Variants in PCDHGB3 observed in about 807,000 individuals in gnomAD.
The protein encoded by PCDHGB3 is protocadherin gamma-B3.
PCDHGB3 carries 40 observed loss-of-function variants against 59.2 expected under a neutral mutation model. The ratio of observed to expected loss-of-function variants is 0.68; its 90% CI spans 0.52 to 0.88. The LOEUF (loss-of-function observed/expected upper bound fraction) is 0.88, where lower values mean the gene tolerates loss of function less well. PCDHGB3 is among the 40% of genes least tolerant of loss of function. The probability of loss-of-function intolerance (pLI) is 0.00; values close to 1 mark genes in which losing one functional copy is unlikely to be tolerated. For synonymous variants in PCDHGB3, 581 were observed against 503.6 expected, an observed-to-expected ratio of 1.15 and a Z score of -2.06; for missense variants, 1,309 against 1,187.9, an observed-to-expected ratio of 1.10 and a Z score of -1.50.
chr5:141,419,515 G>T, intron 1 of PCDHGB3: 1 of 1,612,264 alleles, frequency 6.2e-7, no homozygotes, highest in Non-Finnish European at 8.5e-7. Flanking sequence ...GCGTGTTGGT[G>T]GGCGACCGTA....
At chr5:141,418,145 T>G in intron 1 of PCDHGB3, 4 of 1,614,052 alleles carry the variant, frequency 2.5e-6, no homozygotes, top group Non-Finnish European at 3.4e-6. Flanking sequence ...TGAGCAAATA[T>G]GCAAAGAGAG....
chr5:141,457,809 C>A (rs1404645915), intron 1 of PCDHGB3, among the ~76,000 whole-genome samples: 1 of 152,180 alleles, frequency 6.6e-6, no homozygotes, highest in Non-Finnish European at 1.5e-5. Flanking sequence ...CTCTTGAGGT[C>A]CCAAGATAAA....
chr5:141,427,994 C>T, intron 1 of PCDHGB3: 1 of 1,599,396 alleles, frequency 6.3e-7, no homozygotes, highest in Non-Finnish European at 8.6e-7. Flanking sequence ...CCGATGGCTC[C>T]GCACTCTTCG....
chr5:141,414,123 C>T (rs1328389134), intron 1 of PCDHGB3: 1 of 1,592,532 alleles, frequency 6.3e-7, no homozygotes. Flanking sequence ...ATGAAGAAAC[C>T]GGTTTCTATG....
chr5:141,456,888 G>A (rs376401806), intron 1 of PCDHGB3, among the ~76,000 whole-genome samples: 5 of 152,118 alleles, frequency 3.3e-5, no homozygotes, highest in Admixed American at 1.3e-4. Context: ...GCTTGAACCC[G>A]GGAGGCAGAG....
intron 1 of PCDHGB3, chr5:141,384,771 C>A (rs568102289): frequency 1.2e-6 from 2 of 1,613,878 alleles, no homozygotes; most frequent in Non-Finnish European, 1.7e-6. Flanking sequence ...TGTACACGGG[C>A]GAGGTGCGCA....
rs757065593 is a variant in PCDHGB3, at chr5:141,418,576, C to G, written c.2415+45767C>G. 1.5e-5 allele frequency: 25 copies of G among 1,614,012 alleles called. No homozygotes were observed. In the South Asian group the frequency reaches 2.7e-4, roughly 18 times the overall value. On this transcript the variant is annotated intron_variant, in intron 1 of 3. Transcript: ENST00000576222. ...TGGTAATAGATGCCAATGACAACCCCCCAGTGTTCAGCCAGGACGTGTACA... is the reference window on the plus strand; with the variant it reads ...TGGTAATAGATGCCAATGACAACCCGCCAGTGTTCAGCCAGGACGTGTACA...
chr5:141,434,870 C>G (rs1263324193), intron 1 of PCDHGB3, among the ~76,000 whole-genome samples: 3 of 151,726 alleles, frequency 2.0e-5, no homozygotes, highest in Non-Finnish European at 1.5e-5. Flanking sequence ...ATATATGTGA[C>G]AGATACCAAC....
At chr5:141,397,810 A>G (rs2093570260) in intron 1 of PCDHGB3, among the ~76,000 whole-genome samples, 1 of 152,218 alleles carries the variant, frequency 6.6e-6, no homozygotes. Context: ...TAGGCACACA[A>G]AAACAATTAC....
In PCDHGB3 at chr5:141,511,261, G is replaced by A; in HGVS notation, c.*88G>A. On this transcript the variant is annotated 3_prime_UTR_variant, in exon 4 of 4. Transcript: ENST00000576222. The stretch of plus-strand genomic sequence containing the variant: ...CTGCACCCAGGCCTCAGAGTTTCAG[G>A]GCTAACCCCCAGAATACTGGTAGGG... 2 of 1,557,474 alleles carry A rather than the reference G, an allele frequency of 1.3e-6. No homozygotes were observed. The highest frequency in any genetic ancestry group is 1.4e-5 in the African/African-American group (1 of 73,440).
chr5:141,393,988 T>C (rs765412193), intron 1 of PCDHGB3: 1 of 1,613,578 alleles, frequency 6.2e-7, no homozygotes, highest in Non-Finnish European at 8.5e-7. Context: ...AATTTACCTT[T>C]TAAATTAGAA....
chr5:141,459,993 G>T (rs1320315247), intron 1 of PCDHGB3, among the ~76,000 whole-genome samples: 1 of 152,164 alleles, frequency 6.6e-6, no homozygotes, highest in African/African-American at 2.4e-5. Context: ...CAGGAGAATC[G>T]CTTGAACCCA....
At position 141,371,344 on chromosome 5, in the gene PCDHGB3, T is replaced by C. The variant is rs752180321; in HGVS notation, c.950T>C (p.Ile317Thr). The C allele has an allele frequency of 9.1e-5, 147 of 1,613,880 alleles. 4 individuals are homozygous for C. In the South Asian group the frequency reaches 1.4e-3, roughly 16 times the overall value. The part of the protein sequence containing the change: ...LDFEERDSYT[I>T]GVEAKDGGHH... ...TTTGAAGAGAGAGATAGCTACACAATTGGGGTGGAAGCAAAGGATGGTGGA... is the reference window on the plus strand; with the variant it reads ...TTTGAAGAGAGAGATAGCTACACAACTGGGGTGGAAGCAAAGGATGGTGGA... Residue 317 changes from isoleucine (I) to threonine (T), a missense_variant, in exon 1 of 4, where the codon ATT becomes ACT. Physicochemically the swap from Ile to Thr is moderately conservative, Grantham distance 89. Coordinates refer to ENST00000576222, the MANE Select transcript of PCDHGB3 (RefSeq NM_018924.5).
rs1429175978 is a variant in PCDHGB3 at position 141,371,624 on chromosome 5, G to A, written c.1230G>A (p.Leu410=). 1 of 1,613,994 alleles carries A rather than the reference G, an allele frequency of 6.2e-7. No homozygotes were observed. Residue 410 remains leucine (L), a synonymous_variant, in exon 1 of 4, where the codon CTG becomes CTA. Transcript: ENST00000576222. ...ACAGGTTGGTGACAGATGGAGCCCT[G>A]GACCGGGAGCAGATCCCAGAATACA... ...NTYRLVTDGA[L]DREQIPEYNV... is the part of the protein sequence containing the mutation.
At chr5:141,441,404 C>T (rs1231257776) in intron 1 of PCDHGB3, 1 of 155,262 alleles carries the variant, frequency 6.4e-6, no homozygotes, top group Admixed American at 6.5e-5. Context: ...ATCAGCATCA[C>T]TGCCACTGAC....
At chr5:141,413,109 A>G in intron 1 of PCDHGB3, 2 of 1,498,490 alleles carry the variant, frequency 1.3e-6, no homozygotes, top group African/African-American at 1.4e-5. Flanking sequence ...ACAGAAAGAC[A>G]AAGGAACCGG....
chr5:141,463,910 A>G (rs2099071862), intron 1 of PCDHGB3, among the ~76,000 whole-genome samples: 1 of 152,178 alleles, frequency 6.6e-6, no homozygotes, highest in Admixed American at 6.5e-5. Flanking sequence ...CTAATAATAT[A>G]TCCTGGAAAT....
At chr5:141,451,224 C>G (rs2098710956) in intron 1 of PCDHGB3, among the ~76,000 whole-genome samples, 1 of 152,170 alleles carries the variant, frequency 6.6e-6, no homozygotes, top group South Asian at 2.1e-4. Flanking sequence ...TTAAAAGAAG[C>G]ATTTATTATC....
chr5:141,410,796 G>T, intron 1 of PCDHGB3: 19 of 640,732 alleles, frequency 3.0e-5, no homozygotes, highest in South Asian at 1.4e-4. Flanking sequence ...TTCATAAGTT[G>T]CTCTATCTTT....
Sources: gnomAD v4.1 joint callset for allele counts (sites outside exome capture counted in the v4.1 genomes callset) on GRCh38, gnomAD v4.1.1 for gene constraint, MANE v1.5 for transcripts, NCBI Gene and HGNC (gene_info 2026-07-23, HGNC 2026-07-21) for gene names.